Variants in CFH observed in about 807,000 individuals in gnomAD.
CFH encodes complement factor H.
Under a neutral mutation model 147.3 loss-of-function variants are expected in CFH, and 53 were observed. That is an observed-to-expected ratio of 0.36 (90% CI 0.29 to 0.45). The LOEUF is 0.45. Ranked by LOEUF, CFH falls within the 20% of genes least tolerant of loss-of-function variation. The pLI is 1.00. For synonymous variants in CFH, 536 were observed against 489.4 expected, an observed-to-expected ratio of 1.10 and a Z score of -1.26; for missense variants, 1,380 against 1,498.0, an observed-to-expected ratio of 0.92 and a Z score of 1.30.
chr1:196,704,587 A>G (rs1222874363), intron 9 of CFH, among the ~76,000 whole-genome samples: 1 of 152,228 alleles, frequency 6.6e-6, no homozygotes, highest in Non-Finnish European at 1.5e-5. Flanking sequence ...ACATGGGCAG[A>G]TGGGAGGCCA....
At chr1:196,740,919 T>G in intron 18 of CFH, 127 bp downstream of exon 18, 3 of 958,234 alleles carry the variant, frequency 3.1e-6, no homozygotes, top group Non-Finnish European at 4.9e-6. Context: ...TCTGGACTGC[T>G]GTGGGAAATT....
In CFH at chr1:196,689,615, G is replaced by A. The variant is rs1165023801; in HGVS notation, c.1159+1G>A. The A allele has an allele frequency of 6.2e-7, 1 of 1,613,306 alleles. No individual in the cohort carries two copies. The highest frequency in any genetic ancestry group is 8.5e-7 in the Non-Finnish European group (1 of 1,179,516). On this transcript the variant is annotated splice_donor_variant, in intron 8 of 21. Transcript: ENST00000367429. LOFTEE classifies it high-confidence loss of function. ...TGGTCGCCAGCAGTACCATGCCTCAGTAAGTAAACCTCTGAACTGCTATAT... is the reference window on the plus strand; with the variant it reads ...TGGTCGCCAGCAGTACCATGCCTCAATAAGTAAACCTCTGAACTGCTATAT...
intron 19 of CFH, among the ~76,000 whole-genome samples, chr1:196,742,536 G>C (rs1652844483): frequency 6.6e-6 from 1 of 152,128 alleles, no homozygotes; most frequent in Non-Finnish European, 1.5e-5. Flanking sequence ...AAAATAAAAA[G>C]ATGGAACTGA....
At chr1:196,717,628 T>A (rs1668901992) in intron 11 of CFH, among the ~76,000 whole-genome samples, 1 of 152,128 alleles carries the variant, frequency 6.6e-6, no homozygotes, top group African/African-American at 2.4e-5. Flanking sequence ...AGATTCTGGC[T>A]TTGAATCTAA....
In CFH at chr1:196,680,367, CAA is replaced by C. The variant is rs561497392; in HGVS notation, c.790+576_790+577del. ...ATTATGGAGGGATGTTACACAGAGC[CAA>C]AGAGTTCATCTCAACTGTGCTCTTT... On this transcript the variant is annotated intron_variant, in intron 6 of 21. Transcript: ENST00000367429. Among the ~76,000 whole-genome samples, 4 of 150,602 alleles carry C rather than the reference CAA, an allele frequency of 2.7e-5. No individual in the cohort carries two copies. The South Asian group carries it at 6.3e-4, about 24-fold the overall frequency.
chr1:196,700,706 G>T, intron 9 of CFH: 2 of 322,874 alleles, frequency 6.2e-6, no homozygotes, highest in Non-Finnish European at 8.9e-6. Flanking sequence ...CACTCTCCTT[G>T]CAGTCATTTA....
intron 1 of CFH, among the ~76,000 whole-genome samples, chr1:196,656,282 C>T (rs533233045): frequency 4.2e-5 from 6 of 141,756 alleles, no homozygotes; most frequent in African/African-American, 1.1e-4. Flanking sequence ...TCAGCTTGGG[C>T]GACAGAGGGA....
At chr1:196,684,864 T>C (rs2149085146) in intron 6 of CFH, among the ~76,000 whole-genome samples, 200 bp from the exon 7 acceptor site, 1 of 152,096 alleles carries the variant, frequency 6.6e-6, no homozygotes, top group East Asian at 1.9e-4. Context: ...GCCCAGGAGG[T>C]ACAAATATGT....
intron 7 of CFH, among the ~76,000 whole-genome samples, chr1:196,687,127 T>G (rs923975667): frequency 2.0e-5 from 3 of 152,054 alleles, no homozygotes; most frequent in Non-Finnish European, 4.4e-5. Context: ...TGGACTTGGG[T>G]CAAATAAATT....
intron 17 of CFH, 141 bp downstream of exon 17, chr1:196,737,801 A>C (rs1019016840): frequency 3.3e-6 from 2 of 604,840 alleles, no homozygotes; most frequent in Non-Finnish European, 5.5e-6. Context: ...TACTTTTTGC[A>C]TGATTGAATC....
chr1:196,720,069 A>G (rs1247666511), intron 11 of CFH, among the ~76,000 whole-genome samples: 1 of 151,658 alleles, frequency 6.6e-6, no homozygotes, highest in East Asian at 1.9e-4. Flanking sequence ...CCTTTTTGTG[A>G]TGTATATGTC....
chr1:196,720,180 T>C (rs1466675063), intron 11 of CFH, among the ~76,000 whole-genome samples: 3 of 151,988 alleles, frequency 2.0e-5, no homozygotes, highest in African/African-American at 4.8e-5. Context: ...ACAGATATTA[T>C]ACCATCATTA....
At chr1:196,717,522 A>T (rs3753395) in intron 11 of CFH, among the ~76,000 whole-genome samples, 69,662 of 151,756 alleles carry the variant, frequency 0.46, 16,329 homozygotes, top group South Asian at 0.56. Context: ...ACAAAAATGG[A>T]TTTTAATAGA....
At chr1:196,732,485 G>A (rs1669302623) in intron 15 of CFH, among the ~76,000 whole-genome samples, 2 of 151,792 alleles carry the variant, frequency 1.3e-5, no homozygotes, top group Admixed American at 1.3e-4. Context: ...GTCAATTTCT[G>A]GAGACTCATC....
At chr1:196,719,113 C>G (rs1668939089) in intron 11 of CFH, among the ~76,000 whole-genome samples, 1 of 151,960 alleles carries the variant, frequency 6.6e-6, no homozygotes, top group African/African-American at 2.4e-5. Context: ...TTTCACATAT[C>G]TAGTACTAGG....
chr1:196,703,302 A>G (rs538095899), intron 9 of CFH, among the ~76,000 whole-genome samples: 174 of 152,318 alleles, frequency 1.1e-3, no homozygotes, highest in Non-Finnish European at 1.9e-3. Context: ...CAGTGTGCTT[A>G]CTGCAACAGG....
Position 196,715,762 on chromosome 1 carries a change from A to G in CFH, c.1689A>G (p.Ile563Met), listed in dbSNP as rs1356969065. ...CGYNGWSDLP[I>M]CYERECELPK... ...ACAATGGTTGGTCTGATTTACCCAT[A>G]TGTTATGGTAAGTACTGGTTTTTCA... The change falls in exon 11 of 22, where the codon ATA (isoleucine) becomes ATG (methionine). Residue 563 changes from isoleucine to methionine, a missense_variant. Ile to Met is a conservative substitution (Grantham distance 10, BLOSUM62 1). Around this residue, in one of 4 missense-constraint regions of CFH, gnomAD observed 830 missense variants for 821.4 expected, o/e 1.01. Transcript: ENST00000367429. The G allele has an allele frequency of 6.2e-7, 1 of 1,610,716 alleles. No individual in the cohort carries two copies. Among genetic ancestry groups the G allele is most frequent in the South Asian group, 1.1e-5 (1 of 90,600 alleles).
chr1:196,678,228 C>T (rs1306162171), intron 5 of CFH: 1 of 155,542 alleles, frequency 6.4e-6, no homozygotes, highest in Admixed American at 6.3e-5. Context: ...CTGAATTGAA[C>T]AGAATCCACT....
Position 196,676,182 on chromosome 1 carries a change from C to T in CFH, c.427+117C>T, listed in dbSNP as rs573149699. On this transcript the variant is annotated intron_variant, in intron 4 of 21. Coordinates refer to ENST00000367429, the MANE Select transcript of CFH (RefSeq NM_000186.4). ...ATATTTTTATTTAATGTTTTTTTTTCTCATACAATGTAGAGTGGGAATCTA... is the reference window on the plus strand; with the variant it reads ...ATATTTTTATTTAATGTTTTTTTTTTTCATACAATGTAGAGTGGGAATCTA... 584 of 623,866 alleles carry T rather than the reference C, an allele frequency of 9.4e-4. 1 individual carries two copies. Among genetic ancestry groups the T allele is most frequent in the Non-Finnish European group, 1.3e-3 (525 of 392,648 alleles). The allele number at this position is 623,866 out of a possible 1,614,324, so 38.6% of individuals were successfully genotyped here.
Sources: allele counts gnomAD v4.1 joint callset (sites outside exome capture counted in the v4.1 genomes callset), GRCh38; gene constraint gnomAD v4.1.1; regional missense constraint gnomAD v4.1.1; transcripts MANE v1.5; gene names NCBI Gene and HGNC (gene_info 2026-07-23, HGNC 2026-07-21).